Variants in GIT2 observed in about 807,000 individuals in gnomAD.
The protein encoded by GIT2 is GIT ArfGAP 2, also known as ARF GTPase-activating protein GIT2.
Under a neutral mutation model 100.3 loss-of-function variants are expected in GIT2, and 32 were observed. The observed-to-expected ratio is 0.32, with a 90% CI of 0.24 to 0.43. The LOEUF is 0.43. Among genes scored for constraint, GIT2 ranks in the 20% least tolerant of loss-of-function variants. GIT2 has a pLI of 1.00. For synonymous variants in GIT2, 353 were observed against 364.1 expected (o/e 0.97, Z 0.35); for missense variants, 737 against 975.1 (o/e 0.76, Z 3.25).
intron 7 of GIT2, among the ~76,000 whole-genome samples, chr12:109,970,744 G>A (rs1246921060): frequency 1.3e-5 from 2 of 152,112 alleles, no homozygotes; most frequent in East Asian, 1.9e-4. Context: ...CTGCAAAATT[G>A]TCTGGGCTAC....
At chr12:109,939,715 A>C (rs914419366) in intron 16 of GIT2, 2 of 140,312 alleles carry the variant, frequency 1.4e-5, no homozygotes, top group Non-Finnish European at 3.1e-5. Context: ...ATAAATAAAT[A>C]AATAAATAAA....
At chr12:109,990,771 C>T (rs1276595062) in intron 2 of GIT2, among the ~76,000 whole-genome samples, 1 of 152,198 alleles carries the variant, frequency 6.6e-6, no homozygotes, top group East Asian at 1.9e-4. Flanking sequence ...AAACAAAGAA[C>T]TCATTTAACA....
At chr12:109,979,303 T>G (rs1593115251) in intron 7 of GIT2, among the ~76,000 whole-genome samples, 2 of 126,256 alleles carry the variant, frequency 1.6e-5, no homozygotes, top group Non-Finnish European at 1.6e-5. Flanking sequence ...TGAGATGGAG[T>G]CTCATTCTGT....
chr12:109,956,954 G>T (rs1260467278), intron 12 of GIT2, among the ~76,000 whole-genome samples: 1 of 151,422 alleles, frequency 6.6e-6, no homozygotes, highest in Non-Finnish European at 1.5e-5. Context: ...GGTGGCAGAG[G>T]TTGCAGTGAG....
At chr12:109,986,944 G>A (rs947575596) in intron 4 of GIT2, among the ~76,000 whole-genome samples, 5 of 151,590 alleles carry the variant, frequency 3.3e-5, no homozygotes, top group East Asian at 1.9e-4. Context: ...ACTACAGAGC[G>A]AGACTCTGTC....
chr12:109,988,449 G>A (rs926496069), intron 4 of GIT2, among the ~76,000 whole-genome samples: 3 of 152,168 alleles, frequency 2.0e-5, no homozygotes, highest in East Asian at 3.9e-4. Flanking sequence ...GGCTGAGGTG[G>A]AAGGATTGCT....
chr12:109,992,295 C>A (rs531647100), intron 1 of GIT2, among the ~76,000 whole-genome samples: 2 of 150,562 alleles, frequency 1.3e-5, no homozygotes, highest in African/African-American at 4.9e-5. Context: ...TACAGGCATG[C>A]ACCACCACGC....
intron 18 of GIT2, among the ~76,000 whole-genome samples, chr12:109,935,494 C>T (rs567051577): frequency 5.3e-5 from 8 of 152,264 alleles, no homozygotes; most frequent in Middle Eastern, 3.4e-3. Context: ...CTCCGCCTCC[C>T]GGCTTCAAGC....
At chr12:109,936,966 G>T (rs1007072645) in intron 18 of GIT2, among the ~76,000 whole-genome samples, 1 of 152,098 alleles carries the variant, frequency 6.6e-6, no homozygotes, top group African/African-American at 2.4e-5. Flanking sequence ...CTATGGTCCT[G>T]AGCAAAGTGA....
intron 8 of GIT2, among the ~76,000 whole-genome samples, chr12:109,966,910 G>A (rs1319882421): frequency 6.6e-6 from 1 of 152,058 alleles, no homozygotes; most frequent in Non-Finnish European, 1.5e-5. Flanking sequence ...TAAAATGTTT[G>A]GGGGCAAAAA....
rs1207036447 is a variant in GIT2 at position 109,996,248 on chromosome 12, G to C, written c.-24C>G. The C allele has an allele frequency of 1.3e-6, 2 of 1,510,198 alleles. No individual in the cohort carries two copies. Among genetic ancestry groups the C allele is most frequent in the Admixed American group, 2.0e-5 (1 of 48,956 alleles). 93.5% of individuals were successfully genotyped at this position (1,510,198 alleles called of 1,614,324 possible). ...ATGGCTCCCACCTCCCACCTGCGGG[G>C]AACTAGAGGCCGGGGGACAGCAAAG... On this transcript the variant is annotated 5_prime_UTR_variant, in exon 1 of 20. Coordinates refer to ENST00000355312, the MANE Select transcript of GIT2 (RefSeq NM_057169.5).
chr12:109,992,832 G>A (rs371106072), intron 1 of GIT2, among the ~76,000 whole-genome samples: 5 of 151,970 alleles, frequency 3.3e-5, no homozygotes, highest in African/African-American at 1.2e-4. Flanking sequence ...CCACCAGCTC[G>A]GCTAATTTTT....
At chr12:109,981,107 G>A (rs1886228390) in intron 6 of GIT2, 61 bp from the exon 7 acceptor site, 1 of 1,066,554 alleles carries the variant, frequency 9.4e-7, no homozygotes, top group Non-Finnish European at 1.5e-6. Context: ...TTAAAATGGA[G>A]TACAAAGACG....
At chr12:109,937,709 CTTTA>C (rs1449715053) in intron 18 of GIT2, among the ~76,000 whole-genome samples, 1 of 152,016 alleles carries the variant, frequency 6.6e-6, no homozygotes, top group Non-Finnish European at 1.5e-5. Flanking sequence ...ATGAGATCAA[CTTTA>C]TTTATTTTGA....
chr12:109,938,068 G>A (rs1436345637), intron 18 of GIT2, among the ~76,000 whole-genome samples: 2 of 152,140 alleles, frequency 1.3e-5, no homozygotes, highest in East Asian at 3.8e-4. Flanking sequence ...GGCCAGAAGC[G>A]AGGTGTAAGG....
At chr12:109,989,564 G>A in intron 3 of GIT2, 126 bp downstream of exon 3, 1 of 619,568 alleles carries the variant, frequency 1.6e-6, no homozygotes. Flanking sequence ...CAAAGAACCT[G>A]ATGCACAACT....
rs1876918892 is a variant in GIT2 at position 109,948,422 on chromosome 12, C to T, written c.1393-918G>A. 1 of 1,010,050 alleles carries T rather than the reference C, an allele frequency of 9.9e-7. No homozygotes were observed. The highest frequency in any genetic ancestry group is 1.2e-6 in the Non-Finnish European group (1 of 846,472). The allele number at this position is 1,010,050 out of a possible 1,614,324, so 62.6% of individuals were successfully genotyped here. A position where few individuals can be genotyped will look rare whatever the true frequency, so the allele number is the denominator to read the frequency against. ...GACTGTCACTTGGAGGCCCTGAATG[C>T]TCCTTCCATTCCTCACATGCAGGCT... On this transcript the variant is annotated intron_variant, in intron 14 of 19. Coordinates refer to ENST00000355312, the MANE Select transcript of GIT2 (RefSeq NM_057169.5). This position sits in a 1 kb window ranked among gnomAD's most constrained non-coding sequence, Gnocchi z 4.3.
upstream of GIT2, among the ~76,000 whole-genome samples, chr12:110,000,142 G>A (rs1482007471): frequency 2.6e-5 from 4 of 152,198 alleles, no homozygotes; most frequent in Non-Finnish European, 5.9e-5. Flanking sequence ...GGAATGCACC[G>A]TCTTAACCAT....
chr12:109,965,223 A>G (rs2136451387), intron 9 of GIT2, among the ~76,000 whole-genome samples: 1 of 152,308 alleles, frequency 6.6e-6, no homozygotes, highest in African/African-American at 2.4e-5. Flanking sequence ...TACTCATGAC[A>G]CTGAGAGGAA....
Sources: gnomAD v4.1 joint callset for allele counts (sites outside exome capture counted in the v4.1 genomes callset) on GRCh38, gnomAD v4.1.1 for gene constraint, Gnocchi (gnomAD v3.1) non-coding constraint, MANE v1.5 for transcripts, NCBI Gene and HGNC (gene_info 2026-07-23, HGNC 2026-07-21) for gene names.